TAFA2: variants seen among roughly 807,000 people sequenced by gnomAD.
The protein encoded by TAFA2 is chemokine-like protein TAFA-2.
TAFA2 carries 7 observed loss-of-function variants against 18.8 expected under a neutral mutation model. The observed-to-expected ratio is 0.37, with a 90% CI of 0.21 to 0.70. TAFA2 has a LOEUF of 0.70. TAFA2 is among the 30% of genes least tolerant of loss of function. The pLI is 0.53. For missense variants in TAFA2, 122 were observed against 158.1 expected (o/e 0.77, Z 1.23); for synonymous variants, 60 against 54.2 (o/e 1.11, Z -0.47).
intron 1 of TAFA2, among the ~76,000 whole-genome samples, chr12:62,052,201 TGTGCATGTGTGTGTGA>T (rs1882074085): frequency 1.7e-5 from 2 of 119,498 alleles, no homozygotes; most frequent in African/African-American, 5.7e-5. Context: ...TGCGTGCGTG[TGTGCATGTGTGTGTGA>T]GAGAGAGAGT....
intron 2 of TAFA2, among the ~76,000 whole-genome samples, chr12:61,784,848 T>G (rs1202079438): frequency 2.4e-4 from 37 of 151,516 alleles, no homozygotes; most frequent in Non-Finnish European, 1.2e-4. Flanking sequence ...CATATAATAA[T>G]TGTATATATT....
At chr12:61,873,199 G>A (rs1042961686) in intron 1 of TAFA2, among the ~76,000 whole-genome samples, 2 of 152,074 alleles carry the variant, frequency 1.3e-5, no homozygotes, top group South Asian at 4.1e-4. Context: ...AGTACATATT[G>A]GTGGAGCAAT....
rs533927195 is a variant in TAFA2, at chr12:62,015,894, A to G, written c.-1-148468T>C. ...GGTGGTTGCCAGGGGCTAGAGGGAT[A>G]GGAGAATGGGGATTTGTATTTAATG... On this transcript the variant is annotated intron_variant, in intron 1 of 4. Coordinates refer to ENST00000416284, the MANE Select transcript of TAFA2 (RefSeq NM_178539.5). Among the ~76,000 whole-genome samples the G allele has an allele frequency of 5.3e-5, 8 of 152,312 alleles. No homozygotes were observed. In the South Asian group the frequency reaches 1.7e-3, roughly 32 times the overall value.
intron 1 of TAFA2, among the ~76,000 whole-genome samples, chr12:61,926,331 G>A (rs527802191): frequency 9.3e-4 from 142 of 152,198 alleles, no homozygotes; most frequent in East Asian, 4.4e-3. Context: ...GGACTCCTCC[G>A]TAACTCATTT....
At chr12:61,894,124 T>C (rs1388099218) in intron 1 of TAFA2, among the ~76,000 whole-genome samples, 1 of 152,234 alleles carries the variant, frequency 6.6e-6, no homozygotes, top group Non-Finnish European at 1.5e-5. Flanking sequence ...TTCACTGCTT[T>C]TGAATAGTAT....
intron 1 of TAFA2, among the ~76,000 whole-genome samples, chr12:62,123,429 C>A (rs1311790023): frequency 1.3e-5 from 2 of 151,494 alleles, no homozygotes; most frequent in Non-Finnish European, 2.9e-5. Flanking sequence ...TGGGAAATTG[C>A]CCTAAATATA....
chr12:61,816,345 G>C (rs1034370806), intron 2 of TAFA2, among the ~76,000 whole-genome samples: 2 of 151,546 alleles, frequency 1.3e-5, no homozygotes, highest in Non-Finnish European at 2.9e-5. Context: ...TCCTGCAAAA[G>C]ACATGATCTT....
At chr12:61,983,311 T>C (rs929324360) in intron 1 of TAFA2, among the ~76,000 whole-genome samples, 6 of 152,154 alleles carry the variant, frequency 3.9e-5, no homozygotes, top group African/African-American at 1.4e-4. Flanking sequence ...AATGAAACAC[T>C]TTCTACTATT....
intron 1 of TAFA2, among the ~76,000 whole-genome samples, chr12:62,106,339 A>G (rs1286342977): frequency 1.3e-5 from 2 of 152,162 alleles, no homozygotes; most frequent in African/African-American, 4.8e-5. Context: ...ATCTCAAAAA[A>G]GAACAAAAAA....
At chr12:62,251,861 T>C (rs939390743) in intron 1 of TAFA2, among the ~76,000 whole-genome samples, 1 of 152,144 alleles carries the variant, frequency 6.6e-6, no homozygotes, top group African/African-American at 2.4e-5. Flanking sequence ...CTGAGATCAG[T>C]AGAAATCCCA....
At chr12:61,938,509 A>G (rs1045680242) in intron 1 of TAFA2, among the ~76,000 whole-genome samples, 2 of 152,150 alleles carry the variant, frequency 1.3e-5, no homozygotes, top group African/African-American at 2.4e-5. Context: ...AGAGATTTCT[A>G]AAGAACTAAA....
intron 1 of TAFA2, among the ~76,000 whole-genome samples, chr12:61,966,357 C>A (rs1467083544): frequency 6.6e-6 from 1 of 151,852 alleles, no homozygotes; most frequent in Admixed American, 6.6e-5. Context: ...GGAAGGAACA[C>A]TGGTGGAAGA....
chr12:62,013,087 G>A lies in TAFA2; in HGVS notation c.-1-145661C>T, dbSNP rs577029238. The stretch of plus-strand genomic sequence containing the variant: ...CTAGAGATGCCATCATGTGAATTTA[G>A]CCTATTATTATTGAACATTCGTAGT... On this transcript the variant is annotated intron_variant, in intron 1 of 4. Transcript: ENST00000416284. Among the ~76,000 whole-genome samples the A allele has an allele frequency of 2.4e-3, 370 of 152,218 alleles. 1 individual carries two copies. Among genetic ancestry groups the A allele is most frequent in the African/African-American group, 8.1e-3 (335 of 41,532 alleles).
At chr12:62,099,711 C>T (rs1428262663) in intron 1 of TAFA2, among the ~76,000 whole-genome samples, 2 of 152,036 alleles carry the variant, frequency 1.3e-5, no homozygotes, top group Non-Finnish European at 2.9e-5. Flanking sequence ...TATGCCAGGC[C>T]CTTGCTGGCT....
chr12:61,777,902 T>A (rs990994750), intron 2 of TAFA2, among the ~76,000 whole-genome samples: 3 of 151,796 alleles, frequency 2.0e-5, no homozygotes, highest in Non-Finnish European at 4.4e-5. Context: ...AATGACTCAG[T>A]GACAGTGAGA....
At position 61,717,023 on chromosome 12, in the gene TAFA2, C is replaced by A. The variant is rs192277174; in HGVS notation, c.385-6606G>T. Among the ~76,000 whole-genome samples, 151 of 152,314 alleles carry A rather than the reference C, an allele frequency of 9.9e-4. 1 individual carries two copies. Among genetic ancestry groups the A allele is most frequent in the African/African-American group, 3.4e-3 (141 of 41,572 alleles). On this transcript the variant is annotated intron_variant, in intron 4 of 4. Transcript: ENST00000416284. Reference sequence around the variant, plus strand: ...GCTGATTTGAATGAACTCTTCCTTTCTTTGAATATAATTGCTACTTCACTG... The same window carrying A: ...GCTGATTTGAATGAACTCTTCCTTTATTTGAATATAATTGCTACTTCACTG...
chr12:62,199,055 T>C (rs1280731161), intron 1 of TAFA2, among the ~76,000 whole-genome samples: 1 of 152,248 alleles, frequency 6.6e-6, no homozygotes, highest in Non-Finnish European at 1.5e-5. Context: ...AATTTGTTTT[T>C]GGCTCATTCT....
chr12:61,772,875 G>C (rs977135752), intron 2 of TAFA2, among the ~76,000 whole-genome samples: 1 of 151,848 alleles, frequency 6.6e-6, no homozygotes, highest in Non-Finnish European at 1.5e-5. Context: ...TCAGACAAGA[G>C]AAAGGAATAA....
At chr12:62,132,967 T>G (rs1451929101) in intron 1 of TAFA2, among the ~76,000 whole-genome samples, 1 of 151,996 alleles carries the variant, frequency 6.6e-6, no homozygotes, top group African/African-American at 2.4e-5. Flanking sequence ...CAGTACAACA[T>G]TTTCAATACA....
Sources: gnomAD v4.1 joint callset for allele counts (sites outside exome capture counted in the v4.1 genomes callset) on GRCh38, gnomAD v4.1.1 for gene constraint, MANE v1.5 for transcripts, NCBI Gene and HGNC (gene_info 2026-07-23, HGNC 2026-07-21) for gene names.